ITPR3: variants seen among roughly 807,000 people sequenced by gnomAD.
ITPR3 encodes inositol 1,4,5-trisphosphate receptor type 3, also known as inositol 1,4,5-trisphosphate-gated calcium channel ITPR3.
A neutral mutation model predicts 293.2 loss-of-function variants in ITPR3; 173 were observed. That is an observed-to-expected ratio of 0.59 (90% confidence interval 0.52 to 0.67). ITPR3 has a LOEUF of 0.67. ITPR3 is among the 30% of genes least tolerant of loss of function. ITPR3 has a pLI of 0.00. For synonymous variants in ITPR3, 1,295 were observed against 1,444.4 expected, an observed-to-expected ratio of 0.90 and a Z score of 2.35; for missense variants, 2,796 against 3,592.1, an observed-to-expected ratio of 0.78 and a Z score of 5.66.
chr6:33,637,500 G>A (rs898376191), intron 1 of ITPR3, among the ~76,000 whole-genome samples: 12 of 152,240 alleles, frequency 7.9e-5, no homozygotes, highest in Non-Finnish European at 2.9e-5. Context: ...ACGGAGTCCC[G>A]CTCTTTTGCC....
Position 33,687,164 on chromosome 6 carries a change from G to A in ITPR3, c.6075+60G>A. ...AGGTGGAGTGTGTTGGGATGGGGAT[G>A]AGGGCCCGGCTGGCCCTACCGCCCT... On this transcript the variant is annotated intron_variant, in intron 44 of 57. Transcript: ENST00000605930. The surrounding 1 kb of genome is among the most constrained non-coding windows in gnomAD (Gnocchi z 5.3). 1 of 1,596,266 alleles carries A rather than the reference G, an allele frequency of 6.3e-7. No homozygotes were observed. The highest frequency in any genetic ancestry group is 1.1e-5 in the South Asian group (1 of 90,556).
chr6:33,644,535 G>T (rs1461140288), intron 2 of ITPR3, among the ~76,000 whole-genome samples: 3 of 151,864 alleles, frequency 2.0e-5, no homozygotes, highest in Non-Finnish European at 4.4e-5. Context: ...GTCAGAAATT[G>T]GTGTGCATCA....
At chr6:33,685,114 ACGGGCT>A (rs1468855630) in intron 39 of ITPR3, among the ~76,000 whole-genome samples, 171 bp downstream of exon 39, 2 of 152,098 alleles carry the variant, frequency 1.3e-5, no homozygotes, top group Non-Finnish European at 2.9e-5. Flanking sequence ...TGGTGAGGAG[ACGGGCT>A]CAGGCCTGGC....
At chr6:33,678,314 G>C (rs913004879) in intron 28 of ITPR3, 107 bp from the exon 29 acceptor site, 24 of 1,470,872 alleles carry the variant, frequency 1.6e-5, no homozygotes, top group Non-Finnish European at 2.2e-5. Context: ...GCCTCTTCAC[G>C]GTCCCAGTCC....
In ITPR3 at chr6:33,686,070, G is replaced by C. The variant is rs1561879992; in HGVS notation, c.5685G>C (p.Gln1895His). Residue 1895 changes from glutamine (Q) to histidine (H), a missense_variant, in exon 42 of 58, where the codon CAG becomes CAC. This residue lies in a region of ITPR3 where 704 missense variants were observed against 797.5 expected (regional missense o/e 0.88). Transcript: ENST00000605930. Reference protein sequence around the residue: ...NRDLQNFLRCQNNKTNYNLVC... With the variant: ...NRDLQNFLRCHNNKTNYNLVC... ...CCCCGCAGAACTTCCTGCGCTGTCA[G>C]AACAACAAAACCAACTACAACTTGG... The C allele has an allele frequency of 1.2e-6, 2 of 1,614,124 alleles. No individual in the cohort carries two copies. Among genetic ancestry groups the C allele is most frequent in the Non-Finnish European group, 1.7e-6 (2 of 1,180,044 alleles).
intron 7 of ITPR3, among the ~76,000 whole-genome samples, chr6:33,661,284 TGATAGCAA>T (rs766191349): frequency 6.6e-5 from 10 of 152,314 alleles, no homozygotes; most frequent in South Asian, 2.1e-4. Context: ...CCATTAGTGA[TGATAGCAA>T]GAGTGGCAGC....
At position 33,684,032 on chromosome 6, in the gene ITPR3, G is replaced by T; in HGVS notation, c.4801G>T (p.Ala1601Ser). 1 of 1,609,506 alleles carries T rather than the reference G, an allele frequency of 6.2e-7. No homozygotes were observed. Residue 1601 changes from alanine (A) to serine (S), a missense_variant, in exon 36 of 58, where the codon GCC (alanine) becomes TCC (serine). Physicochemically the swap from Ala to Ser is moderately conservative, Grantham distance 99. This residue lies in a region of ITPR3 where 704 missense variants were observed against 797.5 expected (regional missense o/e 0.88). Transcript: ENST00000605930. The surrounding 1 kb of genome is among the most constrained non-coding windows in gnomAD (Gnocchi z 4.2). ...CTGCCCACCCCAGGACATCATCACA[G>T]CCCTGGAGGAGCGGCTGAAGCCCCT... Reference protein sequence around the residue: ...IIEKLQDIITALEERLKPLVQ... With the variant: ...IIEKLQDIITSLEERLKPLVQ...
Position 33,673,607 on chromosome 6 carries a change from G to C in ITPR3, c.2945G>C (p.Arg982Pro), listed in dbSNP as rs201668734. The change falls in exon 23 of 58, where the codon CGC becomes CCC. Residue 982 changes from arginine (R) to proline (P), a missense_variant. By Grantham distance (103) the Arg-to-Pro change is moderately radical. This residue lies in a region of ITPR3 where 955 missense variants were observed against 1,180.8 expected (regional missense o/e 0.81). Coordinates refer to ENST00000605930, the MANE Select transcript of ITPR3 (RefSeq NM_002224.4). ...LEILQFILNV[R>P]LDYRISYLLS... ...CTTCTCCAGTTCATCCTCAATGTCC[G>C]CCTGGATTACCGCATATCCTACCTG... 1 of 1,613,918 alleles carries C rather than the reference G, an allele frequency of 6.2e-7. No individual in the cohort carries two copies. The highest frequency in any genetic ancestry group is 2.2e-5 in the East Asian group (1 of 44,876).
Position 33,687,490 on chromosome 6 carries a change from A to T in ITPR3, c.6190A>T (p.Asn2064Tyr). The T allele has an allele frequency of 6.2e-7, 1 of 1,611,858 alleles. No individual in the cohort carries two copies. The highest frequency in any genetic ancestry group is 1.1e-5 in the South Asian group (1 of 90,708). ...CCATTTCCCTCAGCTCTCCAGGCACAATAAACAGCTGCAGCACCTGCTGAA... is the reference window on the plus strand; with the variant it reads ...CCATTTCCCTCAGCTCTCCAGGCACTATAAACAGCTGCAGCACCTGCTGAA... ...YILALQLSRH[N>Y]KQLQHLLKPV... The change falls in exon 46 of 58, where the codon AAT becomes TAT. Residue 2064 changes from asparagine to tyrosine, a missense_variant. Physicochemically the swap from Asn to Tyr is moderately radical, Grantham distance 143. Around this residue, in one of 8 missense-constraint regions of ITPR3, gnomAD observed 704 missense variants for 797.5 expected, o/e 0.88. Transcript: ENST00000605930. The surrounding 1 kb of genome is among the most constrained non-coding windows in gnomAD (Gnocchi z 5.3).
At chr6:33,642,870 C>A (rs897155240) in intron 2 of ITPR3, among the ~76,000 whole-genome samples, 4 of 152,208 alleles carry the variant, frequency 2.6e-5, no homozygotes, top group Admixed American at 2.6e-4. Flanking sequence ...TCCTTGATGT[C>A]TTGGTGAGGT....
rs1329047444 is a variant in ITPR3, at chr6:33,658,302, A to C, written c.369+284A>C. Among the ~76,000 whole-genome samples the C allele has an allele frequency of 6.6e-6, 1 of 152,174 alleles. No homozygotes were observed. The highest frequency in any genetic ancestry group is 2.4e-5 in the African/African-American group (1 of 41,432). On this transcript the variant is annotated intron_variant, in intron 4 of 57. Coordinates refer to ENST00000605930, the MANE Select transcript of ITPR3 (RefSeq NM_002224.4). The surrounding 1 kb of genome is among the most constrained non-coding windows in gnomAD (Gnocchi z 6.1). ...TCAAATCTTGGCTCTGCCACTCCTA[A>C]TGGTGTAACTTGGGCAAGTTACCTA...
rs775484236 is a variant in ITPR3 at position 33,675,544 on chromosome 6, G to A, written c.3117-147G>A. 1.3e-6 allele frequency: 1 copy of A among 789,400 alleles called. No homozygotes were observed. Among genetic ancestry groups the A allele is most frequent in the Non-Finnish European group, 1.9e-6 (1 of 533,306 alleles). The allele number at this position is 789,400 out of a possible 1,614,324, so 48.9% of individuals were successfully genotyped here. A position where few individuals can be genotyped will look rare whatever the true frequency, so the allele number is the denominator to read the frequency against. On this transcript the variant is annotated intron_variant, in intron 24 of 57. Transcript: ENST00000605930. The surrounding 1 kb of genome is among the most constrained non-coding windows in gnomAD (Gnocchi z 5.0). ...GAGTGGCTGTTAAACTGCTGAGAAAGTGTCAATATTTTAAACACATTTAGA... is the reference window on the plus strand; with the variant it reads ...GAGTGGCTGTTAAACTGCTGAGAAAATGTCAATATTTTAAACACATTTAGA...
At position 33,685,675 on chromosome 6, in the gene ITPR3, T is replaced by C; in HGVS notation, c.5515T>C (p.Ser1839Pro). 1 of 1,595,322 alleles carries C rather than the reference T, an allele frequency of 6.3e-7. No homozygotes were observed. Among genetic ancestry groups the C allele is most frequent in the Non-Finnish European group, 8.6e-7 (1 of 1,168,778 alleles). ...GGCCTCCTTCTCGATACCTGGCTCCTCATCCCGCTACTCGCTGGGCCCCAG... is the reference window on the plus strand; with the variant it reads ...GGCCTCCTTCTCGATACCTGGCTCCCCATCCCGCTACTCGCTGGGCCCCAG... ...RVASFSIPGSSSRYSLGPSLR... is the reference protein window; with the variant it reads ...RVASFSIPGSPSRYSLGPSLR... Residue 1839 changes from serine to proline, a missense_variant, in exon 41 of 58, where the codon TCA becomes CCA. By Grantham distance (74) the Ser-to-Pro change is moderately conservative. Around this residue, in one of 8 missense-constraint regions of ITPR3, gnomAD observed 704 missense variants for 797.5 expected, o/e 0.88. Transcript: ENST00000605930.
At chr6:33,676,966 C>G in intron 26 of ITPR3, 34 bp downstream of exon 26, 1 of 1,613,972 alleles carries the variant, frequency 6.2e-7, no homozygotes, top group Non-Finnish European at 8.5e-7. Context: ...GGGCAGGCCT[C>G]CCTGTGAGGG....
At position 33,665,165 on chromosome 6, in the gene ITPR3, G is replaced by A; in HGVS notation, c.1361G>A (p.Ser454Asn). ...FANDASSMLA[S>N]AVEKLNEGFI... ...AATGACGCCAGCTCCATGCTGGCCA[G>A]TGCCGTGGAGAAACTCAACGAGGGC... Residue 454 changes from serine (S) to asparagine (N), a missense_variant, in exon 13 of 58, where the codon AGT (serine) becomes AAT (asparagine). This residue lies in a region of ITPR3 where 955 missense variants were observed against 1,180.8 expected (regional missense o/e 0.81). Coordinates refer to ENST00000605930, the MANE Select transcript of ITPR3 (RefSeq NM_002224.4). 1 of 1,614,200 alleles carries A rather than the reference G, an allele frequency of 6.2e-7. No individual in the cohort carries two copies. Among genetic ancestry groups the A allele is most frequent in the South Asian group, 1.1e-5 (1 of 91,090 alleles).
Position 33,621,836 on chromosome 6 carries a change from CT to C in ITPR3, c.89+149del. ...AGGAGCGGGAACGGCTCGCCTCCTT[CT>C]TTTACAGAAAGGAAGTGAAGTGTTT... On this transcript the variant is annotated intron_variant, in intron 1 of 57. Transcript: ENST00000605930. This position sits in a 1 kb window ranked among gnomAD's most constrained non-coding sequence, Gnocchi z 7.7. The C allele has an allele frequency of 1.5e-6, 1 of 647,436 alleles. No homozygotes were observed. Among genetic ancestry groups the C allele is most frequent in the Non-Finnish European group, 2.7e-6 (1 of 365,726 alleles). The allele number at this position is 647,436 out of a possible 1,614,324, so 40.1% of individuals were successfully genotyped here.
rs1765174333 is a variant in ITPR3 at position 33,684,655 on chromosome 6, T to C, written c.5104T>C (p.Ser1702Pro). The change falls in exon 38 of 58, where the codon TCG becomes CCG. Residue 1702 changes from serine (S) to proline (P), a missense_variant. By Grantham distance (74) the Ser-to-Pro change is moderately conservative. Transcript: ENST00000605930. The surrounding 1 kb of genome is among the most constrained non-coding windows in gnomAD (Gnocchi z 4.2). The stretch of plus-strand genomic sequence containing the variant: ...CTACCTCCAGAACCGGAAGTCCACC[T>C]CGCGGGGGGACCTTCCCGACCCCAT... ...QNYLQNRKST[S>P]RGDLPDPIGT... is the part of the protein sequence containing the mutation. 6.2e-7 allele frequency: 1 copy of C among 1,614,054 alleles called. No individual in the cohort carries two copies. Among genetic ancestry groups the C allele is most frequent in the Non-Finnish European group, 8.5e-7 (1 of 1,180,016 alleles).
At chr6:33,688,892 G>T (rs554381506) in intron 49 of ITPR3, 111 bp downstream of exon 49, 7 of 1,413,618 alleles carry the variant, frequency 5.0e-6, no homozygotes, top group Non-Finnish European at 6.9e-6. Context: ...GATGCAGAGT[G>T]TGCAGAAGCA....
chr6:33,633,457 G>A lies in ITPR3; in HGVS notation c.90-7027G>A, dbSNP rs1763731307. Among the ~76,000 whole-genome samples the A allele has an allele frequency of 1.3e-5, 2 of 152,214 alleles. No individual in the cohort carries two copies. Among genetic ancestry groups the A allele is most frequent in the Non-Finnish European group, 2.9e-5 (2 of 68,018 alleles). On this transcript the variant is annotated intron_variant, in intron 1 of 57. Transcript: ENST00000605930. This position sits in a 1 kb window ranked among gnomAD's most constrained non-coding sequence, Gnocchi z 5.2. ...TTTGATAAACACAGGTGCCCGCCATGAGGAAGAGTCGGGGTGGGGCGCTAA... is the reference window on the plus strand; with the variant it reads ...TTTGATAAACACAGGTGCCCGCCATAAGGAAGAGTCGGGGTGGGGCGCTAA...
Sources: allele counts gnomAD v4.1 joint callset (sites outside exome capture counted in the v4.1 genomes callset), GRCh38; gene constraint gnomAD v4.1.1; regional missense constraint gnomAD v4.1.1; non-coding constraint Gnocchi (gnomAD v3.1); transcripts MANE v1.5; gene names NCBI Gene and HGNC (gene_info 2026-07-23, HGNC 2026-07-21).